ABCA1: variants seen among roughly 807,000 people sequenced by gnomAD.
The protein encoded by ABCA1 is ATP binding cassette subfamily A member 1, also known as phospholipid-transporting ATPase ABCA1.
A neutral mutation model predicts 262.5 loss-of-function variants in ABCA1; 133 were observed. The ratio of observed to expected loss-of-function variants is 0.51; its 90% CI spans 0.44 to 0.59. The LOEUF (loss-of-function observed/expected upper bound fraction) is 0.59, where lower values mean the gene tolerates loss of function less well. ABCA1 is among the 20% of genes least tolerant of loss of function. ABCA1 has a pLI of 0.00. For synonymous variants in ABCA1, 1,022 were observed against 1,043.5 expected, an observed-to-expected ratio of 0.98 and a Z score of 0.40; for missense variants, 2,452 against 2,777.5, an observed-to-expected ratio of 0.88 and a Z score of 2.63.
At chr9:104,806,993 A>T (rs977107771) in intron 30 of ABCA1, among the ~76,000 whole-genome samples, 3 of 152,220 alleles carry the variant, frequency 2.0e-5, no homozygotes, top group African/African-American at 4.8e-5. Context: ...GGCAAAAAGA[A>T]CATTCTGAGC....
rs762022906 is a variant in ABCA1, at chr9:104,799,961, C to T, written c.4801G>A (p.Ala1601Thr). Residue 1601 changes from alanine (A) to threonine (T), a missense_variant, in exon 36 of 50, where the codon GCA becomes ACA. Transcript: ENST00000374736. ...ATGACATTCAGGAAAGAGCTGATTG[C>T]ATGCCAGCCCTTGTTATTGAACCAC... ...KVWFNNKGWH[A>T]ISSFLNVINN... The T allele has an allele frequency of 1.2e-6, 2 of 1,614,160 alleles. No homozygotes were observed. The highest frequency in any genetic ancestry group is 2.2e-5 in the South Asian group (2 of 91,090).
chr9:104,863,227 GA>G (rs1217194228), intron 5 of ABCA1, among the ~76,000 whole-genome samples: 1 of 152,160 alleles, frequency 6.6e-6, no homozygotes, highest in Non-Finnish European at 1.5e-5. Context: ...AGAGGTTTCT[GA>G]CCAGATGCTT....
intron 24 of ABCA1, 71 bp from the exon 25 acceptor site, chr9:104,816,416 C>T: frequency 1.4e-6 from 2 of 1,456,990 alleles, no homozygotes; most frequent in Non-Finnish European, 9.6e-7. Context: ...TGGCCATCCC[C>T]CACCCTCTCA....
chr9:104,895,290 A>G (rs578226561), intron 2 of ABCA1, among the ~76,000 whole-genome samples: 4 of 152,342 alleles, frequency 2.6e-5, no homozygotes, highest in Admixed American at 2.0e-4. Context: ...TTGCTATTTC[A>G]ACATGGGGAT....
chr9:104,847,351 T>G (rs1440074635), intron 7 of ABCA1, among the ~76,000 whole-genome samples: 1 of 152,132 alleles, frequency 6.6e-6, no homozygotes, highest in East Asian at 1.9e-4. Context: ...CAGCAAAGTT[T>G]AAAATGCTGT....
rs187534011 is a variant in ABCA1 at position 104,860,016 on chromosome 9, T to G, written c.544-1318A>C. ...TTGTAGTGAGCTGAGATCACGCCACTGCACTCCAGCCTGGGTGACAGAGCG... is the reference window on the plus strand; with the variant it reads ...TTGTAGTGAGCTGAGATCACGCCACGGCACTCCAGCCTGGGTGACAGAGCG... On this transcript the variant is annotated intron_variant, in intron 6 of 49. Transcript: ENST00000374736. 9.8e-5 allele frequency among the ~76,000 whole-genome samples: 14 copies of G among 142,464 alleles called. No individual in the cohort carries two copies. In the East Asian group the frequency reaches 2.8e-3, roughly 29 times the overall value. The allele number at this position is 142,464 out of a possible 152,430, so 93.5% of individuals were successfully genotyped here.
rs1588368544 is a variant in ABCA1 at position 104,840,222 on chromosome 9, C to A, written c.1054+57G>T. 3.1e-6 allele frequency: 5 copies of A among 1,612,840 alleles called. No homozygotes were observed. The East Asian group carries it at 1.1e-4, about 36-fold the overall frequency. On this transcript the variant is annotated intron_variant, in intron 9 of 49. Transcript: ENST00000374736. ...GGGAGGAGATGACACAGGCCAAGGC[C>A]AGAACTAAGGGAGGGATGGGGTTGG...
At chr9:104,872,020 A>C (rs1230358859) in intron 5 of ABCA1, among the ~76,000 whole-genome samples, 4 of 152,222 alleles carry the variant, frequency 2.6e-5, no homozygotes, top group Non-Finnish European at 4.4e-5. Context: ...AAGAATTAAC[A>C]TACACAATGT....
chr9:104,924,464 G>T (rs1842313145), intron 1 of ABCA1, among the ~76,000 whole-genome samples: 1 of 151,986 alleles, frequency 6.6e-6, no homozygotes, highest in Non-Finnish European at 1.5e-5. Flanking sequence ...ACAAAAACTA[G>T]CCGGGTGTGG....
At chr9:104,897,164 A>T (rs906899579) in intron 2 of ABCA1, among the ~76,000 whole-genome samples, 2 of 152,210 alleles carry the variant, frequency 1.3e-5, no homozygotes, top group Non-Finnish European at 2.9e-5. Context: ...AACAGCATAC[A>T]TGCCAATGAG....
At chr9:104,912,358 C>A (rs553112331) in intron 1 of ABCA1, among the ~76,000 whole-genome samples, 1 of 152,242 alleles carries the variant, frequency 6.6e-6, no homozygotes, top group South Asian at 2.1e-4. Flanking sequence ...ATGATCATGC[C>A]ACCATACTCC....
chr9:104,784,680 T>C (rs1828758176), intron 49 of ABCA1, among the ~76,000 whole-genome samples: 1 of 152,216 alleles, frequency 6.6e-6, no homozygotes, highest in Non-Finnish European at 1.5e-5. Context: ...GGTCTTGCTC[T>C]GTCCCCAGGC....
chr9:104,908,216 T>C (rs753681592), intron 1 of ABCA1, among the ~76,000 whole-genome samples: 5 of 152,226 alleles, frequency 3.3e-5, no homozygotes, highest in Admixed American at 6.5e-5. Context: ...AGAGCCACTT[T>C]GGAAAATAGT....
At chr9:104,892,813 A>G (rs1588527118) in intron 2 of ABCA1, among the ~76,000 whole-genome samples, 1 of 152,342 alleles carries the variant, frequency 6.6e-6, no homozygotes, top group East Asian at 1.9e-4. Context: ...TGAACTTAAG[A>G]TATCAAAAAG....
intron 3 of ABCA1, 79 bp from the exon 4 acceptor site, chr9:104,884,647 T>C (rs1479240354): frequency 1.3e-6 from 2 of 1,526,410 alleles, no homozygotes; most frequent in East Asian, 2.2e-5. Flanking sequence ...ATTTATACAA[T>C]GCTTCATGCC....
chr9:104,821,777 G>A (rs1474748950), intron 19 of ABCA1, among the ~76,000 whole-genome samples: 4 of 152,198 alleles, frequency 2.6e-5, no homozygotes, highest in Non-Finnish European at 5.9e-5. Flanking sequence ...TTTAAAAAAT[G>A]TATTTTGTAT....
At chr9:104,869,788 G>A (rs1205839579) in intron 5 of ABCA1, among the ~76,000 whole-genome samples, 1 of 152,058 alleles carries the variant, frequency 6.6e-6, no homozygotes, top group Non-Finnish European at 1.5e-5. Context: ...GCTCACCGAG[G>A]GATACCAAGA....
At chr9:104,806,844 A>C (rs1830812660) in intron 30 of ABCA1, among the ~76,000 whole-genome samples, 1 of 152,164 alleles carries the variant, frequency 6.6e-6, no homozygotes, top group Non-Finnish European at 1.5e-5. Context: ...GACGAACAAC[A>C]AATACACTAA....
At chr9:104,787,349 C>CTT (rs543561572) in intron 46 of ABCA1, among the ~76,000 whole-genome samples, 17 of 146,212 alleles carry the variant, frequency 1.2e-4, no homozygotes, top group African/African-American at 3.0e-4. Context: ...GGTGAAATTC[C>CTT]TTTTTTTTTT....
Sources: allele counts gnomAD v4.1 joint callset (sites outside exome capture counted in the v4.1 genomes callset), GRCh38; gene constraint gnomAD v4.1.1; transcripts MANE v1.5; gene names NCBI Gene and HGNC (gene_info 2026-07-23, HGNC 2026-07-21).